The following LMNTD1 variants were observed in gnomAD, a reference collection of about 807,000 sequenced individuals.
LMNTD1 encodes lamin tail domain containing 1.
A neutral mutation model predicts 50.9 loss-of-function variants in LMNTD1; 35 were observed. That is an observed-to-expected ratio of 0.69 (90% CI 0.53 to 0.91). LMNTD1 has a LOEUF of 0.91. Ranked by LOEUF, LMNTD1 falls within the 40% of genes least tolerant of loss-of-function variation. The pLI is 0.00. For synonymous variants in LMNTD1, 153 were observed against 161.9 expected (o/e 0.94, Z 0.42); for missense variants, 470 against 475.5 (o/e 0.99, Z 0.11).
Position 25,476,369 on chromosome 12 carries a change from C to T in LMNTD1, c.*114G>A, listed in dbSNP as rs868079969. ...TATAGAAATGTGATGTCTTCACCCT[C>T]TCATGGAATAGCAGGGAGGTTGCAG... On this transcript the variant is annotated 3_prime_UTR_variant, in exon 10 of 10. Coordinates refer to ENST00000458174, the MANE Select transcript of LMNTD1 (RefSeq NM_001145728.2). 1.2e-4 allele frequency: 18 copies of T among 152,268 alleles called. No homozygotes were observed. The highest frequency in any genetic ancestry group is 6.8e-3 in the Middle Eastern group (2 of 294). 9.4% of individuals were successfully genotyped at this position (152,268 alleles called of 1,614,324 possible). A position where few individuals can be genotyped will look rare whatever the true frequency, so the allele number is the denominator to read the frequency against.
chr12:25,638,218 A>C (rs1296686669), intron 1 of LMNTD1, among the ~76,000 whole-genome samples: 3 of 152,056 alleles, frequency 2.0e-5, no homozygotes, highest in African/African-American at 7.2e-5. Flanking sequence ...CTACAAAAAA[A>C]CTCACAGCTA....
At chr12:25,573,276 C>A (rs895136495) in intron 1 of LMNTD1, among the ~76,000 whole-genome samples, 3 of 152,126 alleles carry the variant, frequency 2.0e-5, no homozygotes, top group African/African-American at 7.2e-5. Flanking sequence ...TCTAGTCTAA[C>A]AATTCCAATT....
chr12:25,565,128 G>A (rs1944500124), intron 1 of LMNTD1, among the ~76,000 whole-genome samples: 1 of 151,846 alleles, frequency 6.6e-6, no homozygotes, highest in African/African-American at 2.4e-5. Flanking sequence ...TTTTATTCAT[G>A]AAGTGTGTTT....
At chr12:25,563,853 C>T (rs1944441107) in intron 1 of LMNTD1, among the ~76,000 whole-genome samples, 1 of 152,124 alleles carries the variant, frequency 6.6e-6, no homozygotes, top group South Asian at 2.1e-4. Context: ...GGTGGGCGCC[C>T]CTCCCCCAGC....
At chr12:25,489,783 G>A (rs1236611579) in intron 9 of LMNTD1, among the ~76,000 whole-genome samples, 2 of 152,158 alleles carry the variant, frequency 1.3e-5, no homozygotes, top group African/African-American at 4.8e-5. Flanking sequence ...TGACGATTCA[G>A]GATATAAGGA....
chr12:25,628,350 C>T (rs1946641715), intron 1 of LMNTD1, among the ~76,000 whole-genome samples: 1 of 151,982 alleles, frequency 6.6e-6, no homozygotes, highest in African/African-American at 2.4e-5. Flanking sequence ...AACAGGAGTT[C>T]AGAGGCCTAA....
At chr12:25,603,810 A>G (rs1394011702) in intron 1 of LMNTD1, among the ~76,000 whole-genome samples, 4 of 152,010 alleles carry the variant, frequency 2.6e-5, no homozygotes, top group African/African-American at 9.7e-5. Context: ...TGGTATCTGA[A>G]GTGGGGAGAA....
intron 1 of LMNTD1, among the ~76,000 whole-genome samples, chr12:25,572,153 G>A (rs919149739): frequency 1.5e-4 from 23 of 152,174 alleles, no homozygotes; most frequent in African/African-American, 5.6e-4. Context: ...TCTGTAAAAT[G>A]GGGATAGAAA....
chr12:25,635,618 A>G (rs996133302), intron 1 of LMNTD1, among the ~76,000 whole-genome samples: 3 of 152,220 alleles, frequency 2.0e-5, no homozygotes, highest in African/African-American at 7.2e-5. Flanking sequence ...CATTCTTCAC[A>G]GAATTAGAAG....
intron 1 of LMNTD1, among the ~76,000 whole-genome samples, chr12:25,642,247 A>G (rs1946971217): frequency 6.6e-6 from 1 of 152,206 alleles, no homozygotes; most frequent in African/African-American, 2.4e-5. Context: ...TTGAAGCTCT[A>G]ATCACCACTG....
chr12:25,503,193 C>CTTT (rs576204106), intron 9 of LMNTD1, among the ~76,000 whole-genome samples: 2,462 of 152,248 alleles, frequency 0.016, 40 homozygotes, highest in Non-Finnish European at 0.024. Flanking sequence ...AGCATTTAAA[C>CTTT]TCAACCACTT....
At chr12:25,563,851 C>A (rs1394466074) in intron 1 of LMNTD1, among the ~76,000 whole-genome samples, 1 of 152,190 alleles carries the variant, frequency 6.6e-6, no homozygotes, top group African/African-American at 2.4e-5. Context: ...ATGGTGGGCG[C>A]CCCTCCCCCA....
chr12:25,623,720 C>T (rs1946527147), intron 1 of LMNTD1, among the ~76,000 whole-genome samples: 1 of 152,142 alleles, frequency 6.6e-6, no homozygotes, highest in Non-Finnish European at 1.5e-5. Flanking sequence ...ATATCTGCTA[C>T]CATCCCACAC....
upstream of LMNTD1, among the ~76,000 whole-genome samples, chr12:25,553,727 C>T (rs114086585): frequency 0.031 from 4,653 of 152,240 alleles, 161 homozygotes; most frequent in African/African-American, 0.09. Context: ...TAGAAGAAAT[C>T]ACTTAATTCA....
chr12:25,484,644 TCCCTCCC>T (rs1938557687), intron 9 of LMNTD1, among the ~76,000 whole-genome samples: 2 of 114,666 alleles, frequency 1.7e-5, no homozygotes, highest in African/African-American at 3.4e-5. Context: ...CCCAATGCTA[TCCCTCCC>T]CCCTCCCCCC....
chr12:25,550,913 G>A (rs1190752745), intron 2 of LMNTD1, among the ~76,000 whole-genome samples: 1 of 152,168 alleles, frequency 6.6e-6, no homozygotes, highest in Non-Finnish European at 1.5e-5. Flanking sequence ...TACTAGCCCA[G>A]TGCTTAAGAA....
rs192440441 is a variant in LMNTD1 at position 25,547,129 on chromosome 12, A to G, written c.311-575T>C. The G allele has an allele frequency of 2.5e-4, 141 of 570,464 alleles. No homozygotes were observed. In the African/African-American group the frequency reaches 2.6e-3, roughly 11 times the overall value. The allele number at this position is 570,464 out of a possible 1,614,324, so 35.3% of individuals were successfully genotyped here. On this transcript the variant is annotated intron_variant, in intron 3 of 9. Coordinates refer to ENST00000458174, the MANE Select transcript of LMNTD1 (RefSeq NM_001145728.2). ...TAGAAGTTTGCTCTTTTAAATCCTC[A>G]CTACTTTGATTCAAATACAATATAG...
chr12:25,500,896 T>C (rs546238922), intron 9 of LMNTD1, among the ~76,000 whole-genome samples: 1 of 152,330 alleles, frequency 6.6e-6, no homozygotes, highest in Non-Finnish European at 1.5e-5. Context: ...AGCCTGACTC[T>C]GAGCACATTG....
At chr12:25,541,841 C>T (rs1943100091) in intron 4 of LMNTD1, among the ~76,000 whole-genome samples, 1 of 142,058 alleles carries the variant, frequency 7.0e-6, no homozygotes. Context: ...GGGCTAATAT[C>T]CAGAATCTAC....
Sources: gnomAD v4.1 joint callset for allele counts (sites outside exome capture counted in the v4.1 genomes callset) on GRCh38, gnomAD v4.1.1 for gene constraint, MANE v1.5 for transcripts, NCBI Gene and HGNC (gene_info 2026-07-23, HGNC 2026-07-21) for gene names.